TMEM39A: variants seen among roughly 807,000 people sequenced by gnomAD.
The protein encoded by TMEM39A is suppressor of SQST-1 aggregates in rpl-43 mutants.
In TMEM39A, 19 loss-of-function variants were observed where a neutral mutation model predicts 51.9. That is an observed-to-expected ratio of 0.37 (90% confidence interval 0.26 to 0.54). The LOEUF (loss-of-function observed/expected upper bound fraction) is 0.54, where lower values mean the gene tolerates loss of function less well. Among genes scored for constraint, TMEM39A ranks in the 20% least tolerant of loss-of-function variants. The pLI is 0.88. For missense variants in TMEM39A, 433 were observed against 590.5 expected, an observed-to-expected ratio of 0.73 and a Z score of 2.76; for synonymous variants, 197 against 220.2, an observed-to-expected ratio of 0.89 and a Z score of 0.93.
At chr3:119,439,151 T>C (rs2081015870) in intron 5 of TMEM39A, among the ~76,000 whole-genome samples, 1 of 152,246 alleles carries the variant, frequency 6.6e-6, no homozygotes, top group African/African-American at 2.4e-5. Context: ...TCTTATAGTA[T>C]TCCAACTGTT....
Position 119,431,195 on chromosome 3 carries a change from T to G in TMEM39A, c.*786A>C. 6.6e-6 allele frequency: 1 copy of G among 152,172 alleles called. No homozygotes were observed. 9.4% of individuals were successfully genotyped at this position (152,172 alleles called of 1,614,324 possible). On this transcript the variant is annotated 3_prime_UTR_variant, in exon 9 of 9. Coordinates refer to ENST00000319172, the MANE Select transcript of TMEM39A (RefSeq NM_018266.3). ...CTTGGAATTTTCAACCTTCCCATAC[T>G]CTAGCCCACATGGCATTTGCACTCA...
intron 1 of TMEM39A, among the ~76,000 whole-genome samples, chr3:119,462,909 C>G (rs1408065170): frequency 7.1e-6 from 1 of 141,140 alleles, no homozygotes; most frequent in Non-Finnish European, 1.5e-5. Flanking sequence ...AAAAAAAAAG[C>G]TCTTTTCATC....
rs1240754028 is a variant in TMEM39A at position 119,463,455 on chromosome 3, G to A, written c.-194C>T. The A allele has an allele frequency of 7.6e-6, 3 of 396,860 alleles. No individual in the cohort carries two copies. Among genetic ancestry groups the A allele is most frequent in the African/African-American group, 6.2e-5 (3 of 48,580 alleles). 24.6% of individuals were successfully genotyped at this position (396,860 alleles called of 1,614,324 possible). ...TGGAACGCTGCAAACCAGCTGCTTGGACGCAGGCAGCCCCCGCCTAGAGAA... is the reference window on the plus strand; with the variant it reads ...TGGAACGCTGCAAACCAGCTGCTTGAACGCAGGCAGCCCCCGCCTAGAGAA... On this transcript the variant is annotated 5_prime_UTR_variant, in exon 1 of 9. Coordinates refer to ENST00000319172, the MANE Select transcript of TMEM39A (RefSeq NM_018266.3).
At chr3:119,457,720 T>C (rs1237345418) in intron 3 of TMEM39A, among the ~76,000 whole-genome samples, 3 of 152,372 alleles carry the variant, frequency 2.0e-5, no homozygotes, top group Middle Eastern at 3.4e-3. Flanking sequence ...TGACACCTTA[T>C]ACTTACAAAT....
chr3:119,443,751 A>G (rs1182266049), intron 5 of TMEM39A, among the ~76,000 whole-genome samples: 1 of 152,030 alleles, frequency 6.6e-6, no homozygotes, highest in Non-Finnish European at 1.5e-5. Context: ...CCCGATCTCT[A>G]CAAAAAAATT....
chr3:119,439,191 A>T (rs1236693073), intron 5 of TMEM39A, among the ~76,000 whole-genome samples: 2 of 152,258 alleles, frequency 1.3e-5, no homozygotes, highest in African/African-American at 4.8e-5. Context: ...AAATACTTCA[A>T]GTCCTCATTA....
intron 4 of TMEM39A, among the ~76,000 whole-genome samples, chr3:119,451,815 A>C (rs1158833450): frequency 1.6e-5 from 2 of 121,586 alleles, no homozygotes; most frequent in East Asian, 2.7e-4. Flanking sequence ...GGGCAACAAG[A>C]GTGAAACTCC....
At chr3:119,446,818 C>T (rs919263511) in intron 5 of TMEM39A, 200 bp downstream of exon 5, 4 of 596,500 alleles carry the variant, frequency 6.7e-6, no homozygotes, top group Admixed American at 3.2e-5. Flanking sequence ...CCAGGACAGT[C>T]CTGGTTTATG....
chr3:119,431,755 T>C lies in TMEM39A; in HGVS notation c.*226A>G, dbSNP rs2080903724. The C allele has an allele frequency of 2.9e-6, 1 of 343,432 alleles. No individual in the cohort carries two copies. The highest frequency in any genetic ancestry group is 5.3e-6 in the Non-Finnish European group (1 of 190,326). 21.3% of individuals were successfully genotyped at this position (343,432 alleles called of 1,614,324 possible). A position where few individuals can be genotyped will look rare whatever the true frequency, so the allele number is the denominator to read the frequency against. On this transcript the variant is annotated 3_prime_UTR_variant, in exon 9 of 9. Coordinates refer to ENST00000319172, the MANE Select transcript of TMEM39A (RefSeq NM_018266.3). Reference sequence around the variant, plus strand: ...CATACAAACAAATCAATCTCTTTACTGGACAGGCATACCTCTCATATGTAT... The same window carrying C: ...CATACAAACAAATCAATCTCTTTACCGGACAGGCATACCTCTCATATGTAT...
intron 7 of TMEM39A, chr3:119,435,936 C>T (rs1307351248): frequency 1.6e-6 from 2 of 1,289,452 alleles, no homozygotes; most frequent in African/African-American, 1.5e-5. Context: ...CTGTGCTAAT[C>T]TGTATCAGAC....
At chr3:119,453,635 T>C (rs58318736) in intron 3 of TMEM39A, among the ~76,000 whole-genome samples, 3,323 of 152,272 alleles carry the variant, frequency 0.022, 124 homozygotes, top group African/African-American at 0.076. Context: ...TAACTGGAGT[T>C]AGAGTACCTG....
At chr3:119,434,952 C>G in intron 7 of TMEM39A, 70 bp from the exon 8 acceptor site, 1 of 1,550,444 alleles carries the variant, frequency 6.4e-7, no homozygotes, top group South Asian at 1.2e-5. Flanking sequence ...GCAAGGCCAG[C>G]TGTATTTTTA....
In TMEM39A at chr3:119,447,179, G is replaced by A; in HGVS notation, c.421-7C>T. On this transcript the variant is annotated splice_region_variant and splice_polypyrimidine_tract_variant and intron_variant, in intron 4 of 8. Transcript: ENST00000319172. ...CTGCACCTGCCTTAGTAGCCTGAAA[G>A]TTTGGAAGCACCAAAATGAACATTT... 6.2e-7 allele frequency: 1 copy of A among 1,605,618 alleles called. No homozygotes were observed. Among genetic ancestry groups the A allele is most frequent in the Non-Finnish European group, 8.5e-7 (1 of 1,177,094 alleles).
intron 8 of TMEM39A, among the ~76,000 whole-genome samples, chr3:119,432,533 C>T (rs992348138): frequency 2.0e-5 from 3 of 151,918 alleles, no homozygotes; most frequent in Non-Finnish European, 2.9e-5. Flanking sequence ...AGGATAAACA[C>T]AAAAGTATAT....
At position 119,452,446 on chromosome 3, in the gene TMEM39A, C is replaced by A; in HGVS notation, c.420+1G>T. On this transcript the variant is annotated splice_donor_variant, in intron 4 of 8. Coordinates refer to ENST00000319172, the MANE Select transcript of TMEM39A (RefSeq NM_018266.3). LOFTEE classifies it high-confidence loss of function. ...ATAGAATATAGTCAATGAACTGTTA[C>A]CTCTGAGATGAGAGCCCATACAAGC... is the stretch of plus-strand genomic sequence containing the variant. 1 of 1,612,182 alleles carries A rather than the reference C, an allele frequency of 6.2e-7. No homozygotes were observed. The highest frequency in any genetic ancestry group is 8.5e-7 in the Non-Finnish European group (1 of 1,178,488).
Position 119,447,188 on chromosome 3 carries a change from C to G in TMEM39A, c.421-16G>C, listed in dbSNP as rs1213083299. 4 of 1,605,458 alleles carry G rather than the reference C, an allele frequency of 2.5e-6. No homozygotes were observed. The highest frequency in any genetic ancestry group is 3.4e-6 in the Non-Finnish European group (4 of 1,175,898). On this transcript the variant is annotated splice_polypyrimidine_tract_variant and intron_variant, in intron 4 of 8. Transcript: ENST00000319172. The stretch of plus-strand genomic sequence containing the variant: ...CCTTAGTAGCCTGAAAGTTTGGAAG[C>G]ACCAAAATGAACATTTTGTAAATGA...
chr3:119,463,454 G>T lies in TMEM39A; in HGVS notation c.-193C>A, dbSNP rs1040718707. ...TTGGAACGCTGCAAACCAGCTGCTT[G>T]GACGCAGGCAGCCCCCGCCTAGAGA... is the stretch of plus-strand genomic sequence containing the variant. On this transcript the variant is annotated 5_prime_UTR_variant, in exon 1 of 9. Transcript: ENST00000319172. 7 of 396,732 alleles carry T rather than the reference G, an allele frequency of 1.8e-5. No homozygotes were observed. Among genetic ancestry groups the T allele is most frequent in the African/African-American group, 1.4e-4 (7 of 48,574 alleles). The allele number at this position is 396,732 out of a possible 1,614,324, so 24.6% of individuals were successfully genotyped here. A position where few individuals can be genotyped will look rare whatever the true frequency, so the allele number is the denominator to read the frequency against.
intron 2 of TMEM39A, among the ~76,000 whole-genome samples, chr3:119,458,901 C>T (rs1441535971): frequency 6.6e-6 from 1 of 151,940 alleles, no homozygotes; most frequent in South Asian, 2.1e-4. Context: ...ATCTCAAAAA[C>T]AAAACCAAAA....
At position 119,461,990 on chromosome 3, in the gene TMEM39A, A is replaced by G. The variant is rs2081345331; in HGVS notation, c.85T>C (p.Cys29Arg). 1 of 1,613,978 alleles carries G rather than the reference A, an allele frequency of 6.2e-7. No individual in the cohort carries two copies. The highest frequency in any genetic ancestry group is 8.5e-7 in the Non-Finnish European group (1 of 1,180,006). ...PSLQTLVGGG[C>R]GNGTGLRNRN... ...TTTCTCAAGCCTGTTCCATTGCCACAGCCTCCACCAACCAAAGTCTGCAAA... is the reference window on the plus strand; with the variant it reads ...TTTCTCAAGCCTGTTCCATTGCCACGGCCTCCACCAACCAAAGTCTGCAAA... Residue 29 changes from cysteine to arginine, a missense_variant, in exon 2 of 9, where the codon TGT becomes CGT. Coordinates refer to ENST00000319172, the MANE Select transcript of TMEM39A (RefSeq NM_018266.3).
Sources: allele counts gnomAD v4.1 joint callset (sites outside exome capture counted in the v4.1 genomes callset), GRCh38; gene constraint gnomAD v4.1.1; transcripts MANE v1.5; gene names NCBI Gene and HGNC (gene_info 2026-07-23, HGNC 2026-07-21).